The following PEX14 variants were observed in gnomAD, a reference collection of about 807,000 sequenced individuals.
The protein encoded by PEX14 is peroxisomal membrane protein PEX14.
PEX14 carries 15 observed loss-of-function variants against 49.5 expected under a neutral mutation model. That is an observed-to-expected ratio of 0.30 (90% CI 0.20 to 0.47). The LOEUF (loss-of-function observed/expected upper bound fraction) is 0.47, where lower values mean the gene tolerates loss of function less well. Among genes scored for constraint, PEX14 ranks in the 20% least tolerant of loss-of-function variants. The probability of loss-of-function intolerance (pLI) is 1.00; values close to 1 mark genes in which losing one functional copy is unlikely to be tolerated. For missense variants in PEX14, 398 were observed against 494.8 expected (o/e 0.80, Z 1.86); for synonymous variants, 210 against 212.7 (o/e 0.99, Z 0.11).
At chr1:10,537,878 G>A (rs1323820837) in intron 3 of PEX14, among the ~76,000 whole-genome samples, 3 of 152,034 alleles carry the variant, frequency 2.0e-5, no homozygotes, top group South Asian at 4.1e-4. Flanking sequence ...GAGAAACTCT[G>A]GACCAAATAA....
rs527467865 is a variant in PEX14 at position 10,595,616 on chromosome 1, C to G, written c.170-3622C>G. On this transcript the variant is annotated intron_variant, in intron 3 of 8. Transcript: ENST00000356607. ...GCTTTATTAAAATTGACTAATTCTTCCAAAGATAGCAGCTAAAGGAGGACT... is the reference window on the plus strand; with the variant it reads ...GCTTTATTAAAATTGACTAATTCTTGCAAAGATAGCAGCTAAAGGAGGACT... Among the ~76,000 whole-genome samples the G allele has an allele frequency of 2.6e-5, 4 of 152,272 alleles. No individual in the cohort carries two copies. The East Asian group carries it at 7.7e-4, about 29-fold the overall frequency.
At chr1:10,482,462 G>A (rs985611351) in intron 1 of PEX14, among the ~76,000 whole-genome samples, 2 of 144,012 alleles carry the variant, frequency 1.4e-5, no homozygotes, top group Non-Finnish European at 3.0e-5. Flanking sequence ...TTGAAATGGA[G>A]TCTCGCTCTG....
At chr1:10,510,531 AT>A (rs1253124174) in intron 2 of PEX14, among the ~76,000 whole-genome samples, 1 of 152,136 alleles carries the variant, frequency 6.6e-6, no homozygotes, top group Admixed American at 6.5e-5. Context: ...CCAGGCACTT[AT>A]GTAAGACTTT....
chr1:10,559,778 T>C lies in PEX14; in HGVS notation c.169+23481T>C, dbSNP rs558142582. Among the ~76,000 whole-genome samples, 5 of 152,338 alleles carry C rather than the reference T, an allele frequency of 3.3e-5. No homozygotes were observed. The South Asian group carries it at 1.0e-3, about 32-fold the overall frequency. On this transcript the variant is annotated intron_variant, in intron 3 of 8. Coordinates refer to ENST00000356607, the MANE Select transcript of PEX14 (RefSeq NM_004565.3). ...TCAGAGGACAACTGACAGCAGCTTC[T>C]GTGTCATCAGGCTGCTGCCCTCACC...
intron 1 of PEX14, among the ~76,000 whole-genome samples, chr1:10,490,410 G>T (rs1461363137): frequency 6.6e-6 from 1 of 152,188 alleles, no homozygotes; most frequent in Admixed American, 6.5e-5. Context: ...AGCTGCTTGT[G>T]AGGTTGTTCT....
intron 1 of PEX14, among the ~76,000 whole-genome samples, chr1:10,492,011 C>T (rs1381047348): frequency 6.6e-6 from 1 of 152,132 alleles, no homozygotes; most frequent in Admixed American, 6.6e-5. Flanking sequence ...CTTTGAATAT[C>T]CTTGGCAGAA....
At chr1:10,480,201 T>A (rs568776494) in intron 1 of PEX14, among the ~76,000 whole-genome samples, 6,973 of 23,214 alleles carry the variant, frequency 0.3, 405 homozygotes, top group African/African-American at 0.48. Context: ...CCTCTCAATG[T>A]TTTTTTTTTT....
At chr1:10,615,129 G>A (rs1452469275) in intron 4 of PEX14, among the ~76,000 whole-genome samples, 3 of 152,192 alleles carry the variant, frequency 2.0e-5, no homozygotes, top group African/African-American at 7.2e-5. Context: ...AGCCTGGGAA[G>A]GGAGTGGGGG....
At chr1:10,508,275 C>T (rs1035872475) in intron 2 of PEX14, among the ~76,000 whole-genome samples, 16 of 152,014 alleles carry the variant, frequency 1.1e-4, no homozygotes, top group Non-Finnish European at 1.3e-4. Context: ...GGTGCGATCT[C>T]GGCTGTCTGC....
At chr1:10,488,569 G>C (rs965260382) in intron 1 of PEX14, among the ~76,000 whole-genome samples, 1 of 149,016 alleles carries the variant, frequency 6.7e-6, no homozygotes, top group Non-Finnish European at 1.5e-5. Context: ...GCGTGACCTC[G>C]GTTCACTGCA....
chr1:10,488,783 G>A (rs904411224), intron 1 of PEX14, among the ~76,000 whole-genome samples: 3 of 152,036 alleles, frequency 2.0e-5, no homozygotes, highest in Non-Finnish European at 4.4e-5. Flanking sequence ...GATTACAGGC[G>A]TGAGCCACTG....
intron 3 of PEX14, among the ~76,000 whole-genome samples, chr1:10,593,685 G>A (rs1488875273): frequency 2.0e-5 from 3 of 152,026 alleles, no homozygotes; most frequent in Admixed American, 6.6e-5. Flanking sequence ...AGACAGGTTG[G>A]GGGGCTGGGG....
At chr1:10,503,887 C>T (rs1280989218) in intron 2 of PEX14, among the ~76,000 whole-genome samples, 1 of 152,014 alleles carries the variant, frequency 6.6e-6, no homozygotes, top group Non-Finnish European at 1.5e-5. Context: ...GCGCCCACCA[C>T]CATGCCTGGC....
chr1:10,560,058 T>C (rs865848071), intron 3 of PEX14, among the ~76,000 whole-genome samples: 6 of 151,850 alleles, frequency 4.0e-5, no homozygotes, highest in Non-Finnish European at 7.4e-5. Flanking sequence ...TTCTTCCATC[T>C]ATTTTTTTTT....
At chr1:10,532,214 C>T (rs1189320924) in intron 2 of PEX14, among the ~76,000 whole-genome samples, 2 of 152,152 alleles carry the variant, frequency 1.3e-5, no homozygotes, top group African/African-American at 2.4e-5. Flanking sequence ...CCAGTGACTC[C>T]GGTGTAACCA....
At position 10,623,297 on chromosome 1, in the gene PEX14, C is replaced by T; in HGVS notation, c.487+176C>T. On this transcript the variant is annotated intron_variant, in intron 6 of 8. Coordinates refer to ENST00000356607, the MANE Select transcript of PEX14 (RefSeq NM_004565.3). This position sits in a 1 kb window ranked among gnomAD's most constrained non-coding sequence, Gnocchi z 4.4. ...GTCATTTCGGTTTAATTTGAAATTGCTTGTTTACTGTCGGCGCGGCCTCAA... is the reference window on the plus strand; with the variant it reads ...GTCATTTCGGTTTAATTTGAAATTGTTTGTTTACTGTCGGCGCGGCCTCAA... 1 of 634,294 alleles carries T rather than the reference C, an allele frequency of 1.6e-6. No homozygotes were observed. The highest frequency in any genetic ancestry group is 1.8e-5 in the African/African-American group (1 of 55,494). 39.3% of individuals were successfully genotyped at this position (634,294 alleles called of 1,614,324 possible). A position where few individuals can be genotyped will look rare whatever the true frequency, so the allele number is the denominator to read the frequency against.
Position 10,544,928 on chromosome 1 carries a change from A to AT in PEX14, c.169+8639dup, listed in dbSNP as rs533365456. Among the ~76,000 whole-genome samples the AT allele has an allele frequency of 7.9e-5, 12 of 151,732 alleles. No individual in the cohort carries two copies. In the East Asian group the frequency reaches 2.3e-3, roughly 29 times the overall value. ...AGGCACACGCCACCAAACCCGGCTA[A>AT]TTTTTTTTGTATTTTGGGGAGATAG... On this transcript the variant is annotated intron_variant, in intron 3 of 8. Transcript: ENST00000356607.
rs1455413573 is a variant in PEX14, at chr1:10,623,734, G to T, written c.488-606G>T. 2.6e-5 allele frequency among the ~76,000 whole-genome samples: 4 copies of T among 152,230 alleles called. No homozygotes were observed. The highest frequency in any genetic ancestry group is 5.9e-5 in the Non-Finnish European group (4 of 68,044). ...CCCAGGCAGGAGTCTGTGTCCCTCT[G>T]GAGCACGTTTGTGAAGCTCACAGAA... On this transcript the variant is annotated intron_variant, in intron 6 of 8. Transcript: ENST00000356607. This position sits in a 1 kb window ranked among gnomAD's most constrained non-coding sequence, Gnocchi z 4.4.
rs558873267 is a variant in PEX14 at position 10,605,321 on chromosome 1, C to A, written c.298+5955C>A. The stretch of plus-strand genomic sequence containing the variant: ...TGGAAGAAGTAGGGGATGGGACCCA[C>A]CTTCAGGAGCTGCTGTTCATCGTAG... On this transcript the variant is annotated intron_variant, in intron 4 of 8. Coordinates refer to ENST00000356607, the MANE Select transcript of PEX14 (RefSeq NM_004565.3). 5.9e-5 allele frequency among the ~76,000 whole-genome samples: 9 copies of A among 152,132 alleles called. No individual in the cohort carries two copies. In the South Asian group the frequency reaches 1.9e-3, roughly 32 times the overall value.
Sources: allele counts gnomAD v4.1 joint callset (sites outside exome capture counted in the v4.1 genomes callset), GRCh38; gene constraint gnomAD v4.1.1; non-coding constraint Gnocchi (gnomAD v3.1); transcripts MANE v1.5; gene names NCBI Gene and HGNC (gene_info 2026-07-23, HGNC 2026-07-21).